CHRM3: variants seen among roughly 807,000 people sequenced by gnomAD.
CHRM3 encodes muscarinic acetylcholine receptor M3.
A neutral mutation model predicts 41.8 loss-of-function variants in CHRM3; 11 were observed. The observed-to-expected ratio is 0.26, with a 90% CI of 0.17 to 0.44. CHRM3 has a LOEUF of 0.44. Ranked by LOEUF, CHRM3 falls within the 20% of genes least tolerant of loss-of-function variation. The pLI is 1.00. For synonymous variants in CHRM3, 297 were observed against 301.4 expected, an observed-to-expected ratio of 0.99 and a Z score of 0.15; for missense variants, 571 against 745.4, an observed-to-expected ratio of 0.77 and a Z score of 2.72.
At chr1:239,428,658 G>A (rs1662586752) in intron 1 of CHRM3, among the ~76,000 whole-genome samples, 1 of 152,150 alleles carries the variant, frequency 6.6e-6, no homozygotes, top group Non-Finnish European at 1.5e-5. Flanking sequence ...CTTACCAAAA[G>A]ATTAGTAAAA....
At chr1:239,412,586 G>T (rs1661186832) in intron 1 of CHRM3, among the ~76,000 whole-genome samples, 1 of 151,360 alleles carries the variant, frequency 6.6e-6, no homozygotes, top group South Asian at 2.1e-4. Flanking sequence ...ATGAGTATAT[G>T]TGTGCACAAA....
At chr1:239,515,465 A>T (rs1490991183) in intron 2 of CHRM3, among the ~76,000 whole-genome samples, 1 of 148,282 alleles carries the variant, frequency 6.7e-6, no homozygotes, top group Non-Finnish European at 1.5e-5. Flanking sequence ...AATATATATT[A>T]TCTAACCTTA....
At chr1:239,490,036 C>T (rs140173079) in intron 1 of CHRM3, among the ~76,000 whole-genome samples, 298 of 152,292 alleles carry the variant, frequency 2.0e-3, no homozygotes, top group African/African-American at 6.8e-3. Flanking sequence ...TCTAGTCTCT[C>T]TGCAAATATG....
chr1:239,529,791 C>T (rs990988622), intron 2 of CHRM3, among the ~76,000 whole-genome samples: 9 of 152,148 alleles, frequency 5.9e-5, no homozygotes, highest in African/African-American at 2.2e-4. Context: ...TATGCAGGTT[C>T]AGTGCCTGCT....
chr1:239,720,708 G>A (rs1391829559), intron 5 of CHRM3, among the ~76,000 whole-genome samples: 2 of 151,854 alleles, frequency 1.3e-5, no homozygotes, highest in African/African-American at 4.8e-5. Context: ...GCACGAATAA[G>A]CATGATTTAA....
At chr1:239,577,763 G>A (rs962652061) in intron 3 of CHRM3, among the ~76,000 whole-genome samples, 12 of 152,086 alleles carry the variant, frequency 7.9e-5, no homozygotes, top group African/African-American at 2.9e-4. Flanking sequence ...TCAGATTTAT[G>A]TATTGGTTGC....
At chr1:239,712,986 T>C (rs1348126173) in intron 5 of CHRM3, among the ~76,000 whole-genome samples, 2 of 152,168 alleles carry the variant, frequency 1.3e-5, no homozygotes, top group African/African-American at 4.8e-5. Context: ...TTAAATCCCC[T>C]TCCAATCCCT....
chr1:239,556,926 G>A (rs908311966), intron 3 of CHRM3, among the ~76,000 whole-genome samples: 2 of 152,044 alleles, frequency 1.3e-5, no homozygotes, highest in Admixed American at 6.5e-5. Flanking sequence ...ATGCTTCTAC[G>A]TATTTATTTT....
At chr1:239,652,121 G>T (rs1212805480) in intron 4 of CHRM3, among the ~76,000 whole-genome samples, 1 of 151,912 alleles carries the variant, frequency 6.6e-6, no homozygotes, top group Non-Finnish European at 1.5e-5. Context: ...TTTGTTCAAG[G>T]CTCAGCTTTT....
In CHRM3 at chr1:239,908,136, C is replaced by T. The variant is rs1465434442; in HGVS notation, c.685C>T (p.Pro229Ser). The T allele has an allele frequency of 6.2e-7, 1 of 1,614,146 alleles. No individual in the cohort carries two copies. Among genetic ancestry groups the T allele is most frequent in the South Asian group, 1.1e-5 (1 of 91,086 alleles). Residue 229 changes from proline (P) to serine (S), a missense_variant, in exon 7 of 7, where the codon CCC (proline) becomes TCC (serine). This residue lies in a region of CHRM3 where 153 missense variants were observed against 296.3 expected (regional missense o/e 0.52). Coordinates refer to ENST00000676153, the MANE Select transcript of CHRM3 (RefSeq NM_001375978.1). This position sits in a 1 kb window ranked among gnomAD's most constrained non-coding sequence, Gnocchi z 7.2. Reference protein sequence around the residue: ...GECFIQFLSEPTITFGTAIAA... With the variant: ...GECFIQFLSESTITFGTAIAA... ...GTGCTTCATTCAGTTCCTCAGTGAG[C>T]CCACCATTACTTTTGGCACAGCCAT...
In CHRM3 at chr1:239,408,521, C is replaced by CAAAAA. The variant is rs371319364; in HGVS notation, c.-521+21313_-521+21317dup. Among the ~76,000 whole-genome samples, 472 of 61,218 alleles carry CAAAAA rather than the reference C, an allele frequency of 7.7e-3. 11 individuals are homozygous for CAAAAA. Among genetic ancestry groups the CAAAAA allele is most frequent in the African/African-American group, 0.02 (349 of 17,154 alleles). The allele number at this position is 61,218 out of a possible 152,430, so 40.2% of individuals were successfully genotyped here. ...CCTGGGCAACAGAGAGAGACTCCGT[C>CAAAAA]AAAAAAAAAAAAAAAAAAAAAAACT... On this transcript the variant is annotated intron_variant, in intron 1 of 6. Coordinates refer to ENST00000676153, the MANE Select transcript of CHRM3 (RefSeq NM_001375978.1).
chr1:239,565,193 A>G (rs1264584264), intron 3 of CHRM3, among the ~76,000 whole-genome samples: 1 of 152,214 alleles, frequency 6.6e-6, no homozygotes, highest in African/African-American at 2.4e-5. Context: ...TTAGTTAATT[A>G]CATCTGCAAA....
intron 2 of CHRM3, among the ~76,000 whole-genome samples, chr1:239,497,918 G>T (rs1312937719): frequency 6.6e-6 from 1 of 152,124 alleles, no homozygotes; most frequent in Non-Finnish European, 1.5e-5. Flanking sequence ...CAGGGCACCT[G>T]GGCAGCAAGA....
chr1:239,576,575 T>TACAC (rs376692136), intron 3 of CHRM3, among the ~76,000 whole-genome samples: 14 of 131,596 alleles, frequency 1.1e-4, no homozygotes, highest in African/African-American at 2.6e-4. Flanking sequence ...ACATCATCTC[T>TACAC]ACACACACAC....
chr1:239,897,323 C>T (rs959208124), intron 6 of CHRM3, among the ~76,000 whole-genome samples: 2 of 152,106 alleles, frequency 1.3e-5, no homozygotes, highest in African/African-American at 2.4e-5. Flanking sequence ...AAAAAAAAAG[C>T]GATCACGAGT....
At chr1:239,505,240 G>T (rs1668490475) in intron 2 of CHRM3, among the ~76,000 whole-genome samples, 1 of 150,134 alleles carries the variant, frequency 6.7e-6, no homozygotes, top group African/African-American at 2.4e-5. Context: ...GAGGCATATT[G>T]TTCAGTAACT....
intron 4 of CHRM3, among the ~76,000 whole-genome samples, chr1:239,660,503 A>G (rs1673094625): frequency 6.6e-6 from 1 of 152,160 alleles, no homozygotes; most frequent in African/African-American, 2.4e-5. Flanking sequence ...CTTAGTCTAT[A>G]TATATTAAAA....
intron 5 of CHRM3, among the ~76,000 whole-genome samples, chr1:239,699,231 G>T (rs1660466454): frequency 6.6e-6 from 1 of 152,060 alleles, no homozygotes; most frequent in South Asian, 2.1e-4. Flanking sequence ...GGACTGAGTT[G>T]TATTCCTCCA....
intron 5 of CHRM3, among the ~76,000 whole-genome samples, chr1:239,696,401 G>A (rs1234140780): frequency 2.7e-5 from 4 of 149,966 alleles, no homozygotes; most frequent in African/African-American, 7.4e-5. Context: ...TGGCTGAAGC[G>A]TGGACACTGG....
Sources: allele counts gnomAD v4.1 joint callset (sites outside exome capture counted in the v4.1 genomes callset), GRCh38; gene constraint gnomAD v4.1.1; regional missense constraint gnomAD v4.1.1; non-coding constraint Gnocchi (gnomAD v3.1); transcripts MANE v1.5; gene names NCBI Gene and HGNC (gene_info 2026-07-23, HGNC 2026-07-21).